The following DLEU7 variants were observed in gnomAD, a reference collection of about 807,000 sequenced individuals.
DLEU7 encodes the protein leukemia-associated protein 7.
A neutral mutation model predicts 16.0 loss-of-function variants in DLEU7; 17 were observed. The observed-to-expected ratio is 1.06, with a 90% CI of 0.73 to 1.59. The LOEUF is 1.59. Among genes scored for constraint, DLEU7 ranks in the 40% most tolerant of loss-of-function variants. DLEU7 has a pLI of 0.00. For missense variants in DLEU7, 308 were observed against 314.9 expected, an observed-to-expected ratio of 0.98 and a Z score of 0.17; for synonymous variants, 113 against 139.8, an observed-to-expected ratio of 0.81 and a Z score of 1.35.
chr13:50,720,702 T>C (rs1176566419), intron 1 of DLEU7, among the ~76,000 whole-genome samples: 3 of 152,178 alleles, frequency 2.0e-5, no homozygotes, highest in African/African-American at 7.2e-5. Flanking sequence ...GAATAAGAAA[T>C]GGTCACAATC....
chr13:50,779,133 C>T (rs1185941836), intron 1 of DLEU7, among the ~76,000 whole-genome samples: 1 of 152,156 alleles, frequency 6.6e-6, no homozygotes, highest in Middle Eastern at 3.2e-3. Context: ...AAACACAGCA[C>T]GTTGTACAGC....
intron 1 of DLEU7, among the ~76,000 whole-genome samples, chr13:50,735,018 G>A (rs760553880): frequency 1.8e-4 from 27 of 152,072 alleles, no homozygotes; most frequent in Non-Finnish European, 3.2e-4. Flanking sequence ...AACATCAGGC[G>A]AAGTAGACCT....
chr13:50,830,639 C>T (rs1413264095), intron 1 of DLEU7, among the ~76,000 whole-genome samples: 2 of 152,158 alleles, frequency 1.3e-5, no homozygotes, highest in South Asian at 2.1e-4. Context: ...TAGAGAAATT[C>T]GTGTGCTTAG....
downstream of DLEU7, among the ~76,000 whole-genome samples, chr13:50,822,058 GCA>G (rs144274511): frequency 5.2e-4 from 78 of 149,568 alleles, 1 homozygote; most frequent in East Asian, 9.4e-3. Flanking sequence ...ACACATGAGC[GCA>G]CACACACACA....
At chr13:50,798,183 C>A (rs1876152875) in intron 1 of DLEU7, among the ~76,000 whole-genome samples, 1 of 152,042 alleles carries the variant, frequency 6.6e-6, no homozygotes, top group Non-Finnish European at 1.5e-5. Flanking sequence ...CATTAATATT[C>A]ATAATATGAT....
At chr13:50,720,958 G>A (rs1873587653) in intron 1 of DLEU7, among the ~76,000 whole-genome samples, 1 of 152,202 alleles carries the variant, frequency 6.6e-6, no homozygotes, top group Non-Finnish European at 1.5e-5. Context: ...TGATTGGATT[G>A]AAGGATGCAA....
At chr13:50,717,683 A>G (rs373447347) in intron 1 of DLEU7, among the ~76,000 whole-genome samples, 22 of 152,186 alleles carry the variant, frequency 1.4e-4, no homozygotes, top group African/African-American at 5.3e-4. Flanking sequence ...CCTAGCCCTA[A>G]TGCCAAGACT....
chr13:50,776,996 G>A (rs1273040546), intron 1 of DLEU7, among the ~76,000 whole-genome samples: 1 of 152,136 alleles, frequency 6.6e-6, no homozygotes, highest in Non-Finnish European at 1.5e-5. Flanking sequence ...AATCTTGGGT[G>A]ATATTAGGCC....
chr13:50,830,101 T>C (rs935932761), intron 1 of DLEU7, among the ~76,000 whole-genome samples: 1 of 152,122 alleles, frequency 6.6e-6, no homozygotes, highest in Non-Finnish European at 1.5e-5. Context: ...TTTGCCAGAA[T>C]TAGAACTACA....
chr13:50,821,722 T>C (rs1593409756), downstream of DLEU7, among the ~76,000 whole-genome samples: 2 of 123,420 alleles, frequency 1.6e-5, no homozygotes, highest in African/African-American at 2.9e-5. Context: ...CACTATTTCG[T>C]TGGGTAAGGT....
At chr13:50,739,061 T>G (rs2137723524) in intron 1 of DLEU7, among the ~76,000 whole-genome samples, 1 of 152,124 alleles carries the variant, frequency 6.6e-6, no homozygotes, top group African/African-American at 2.4e-5. Context: ...CTTATCATGT[T>G]CTTTCCTGCC....
chr13:50,784,721 G>A (rs1005728189), intron 1 of DLEU7, among the ~76,000 whole-genome samples: 5 of 152,264 alleles, frequency 3.3e-5, no homozygotes, highest in African/African-American at 7.2e-5. Flanking sequence ...CAAGCTGCTC[G>A]GACCATCTGG....
At chr13:50,756,173 C>T (rs529101519) in intron 1 of DLEU7, among the ~76,000 whole-genome samples, 1 of 152,290 alleles carries the variant, frequency 6.6e-6, no homozygotes, top group East Asian at 1.9e-4. Context: ...GTTTAATGTT[C>T]TATTTTTGTG....
intron 1 of DLEU7, among the ~76,000 whole-genome samples, chr13:50,713,502 C>A (rs2137698868): frequency 6.6e-6 from 1 of 152,246 alleles, no homozygotes; most frequent in South Asian, 2.1e-4. Context: ...TTATATTAAT[C>A]TTTTTCTTTG....
At chr13:50,741,342 A>G (rs1052360819) in intron 1 of DLEU7, among the ~76,000 whole-genome samples, 1 of 152,200 alleles carries the variant, frequency 6.6e-6, no homozygotes, top group Non-Finnish European at 1.5e-5. Context: ...TTCTGAAGAT[A>G]TGGCTCATGA....
intron 1 of DLEU7, among the ~76,000 whole-genome samples, chr13:50,729,501 A>C (rs372376593): frequency 1.2e-4 from 19 of 152,124 alleles, no homozygotes; most frequent in Admixed American, 1.2e-3. Flanking sequence ...ATTTGTGTGC[A>C]TGTGTCTTTA....
chr13:50,817,451 T>C (rs1876767332), intron 1 of DLEU7, among the ~76,000 whole-genome samples: 1 of 152,136 alleles, frequency 6.6e-6, no homozygotes, highest in South Asian at 2.1e-4. Context: ...AGGACTGTGG[T>C]AATTTCTTGG....
At chr13:50,762,207 A>AAG (rs1874958318) in intron 1 of DLEU7, among the ~76,000 whole-genome samples, 1 of 150,668 alleles carries the variant, frequency 6.6e-6, no homozygotes, top group East Asian at 1.9e-4. Context: ...AAAAAAAAAA[A>AAG]AAAAGAAAAG....
intron 1 of DLEU7, among the ~76,000 whole-genome samples, chr13:50,738,962 T>TACAC (rs55722607): frequency 0.011 from 1,614 of 144,722 alleles, 16 homozygotes; most frequent in East Asian, 0.046. Flanking sequence ...TAAAAAATAA[T>TACAC]ACACACACAC....
Sources: allele counts gnomAD v4.1 joint callset (sites outside exome capture counted in the v4.1 genomes callset), GRCh38; gene constraint gnomAD v4.1.1; transcripts MANE v1.5; gene names NCBI Gene and HGNC (gene_info 2026-07-23, HGNC 2026-07-21).